The following DAB1 variants were observed in gnomAD, a reference collection of about 807,000 sequenced individuals.
DAB1 encodes the protein DAB adaptor protein 1.
Under a neutral mutation model 64.6 loss-of-function variants are expected in DAB1, and 15 were observed. The ratio of observed to expected loss-of-function variants is 0.23; its 90% CI spans 0.16 to 0.36. DAB1 has a LOEUF of 0.36. DAB1 is among the 10% of genes least tolerant of loss of function. The pLI, the probability that DAB1 is intolerant of heterozygous loss-of-function variation, is 1.00. For synonymous variants in DAB1, 235 were observed against 251.9 expected (o/e 0.93, Z 0.64); for missense variants, 596 against 706.7 (o/e 0.84, Z 1.78).
At chr1:57,255,415 A>C (rs1196864561) in intron 2 of DAB1, among the ~76,000 whole-genome samples, 2 of 152,168 alleles carry the variant, frequency 1.3e-5, no homozygotes, top group African/African-American at 4.8e-5. Flanking sequence ...TAATGCCAAC[A>C]ATTTGGGAGG....
chr1:57,085,353 C>A (rs1652963693), intron 4 of DAB1, among the ~76,000 whole-genome samples: 1 of 152,172 alleles, frequency 6.6e-6, no homozygotes, highest in African/African-American at 2.4e-5. Flanking sequence ...GACTTAGAGA[C>A]AACTGCGCCC....
intron 2 of DAB1, among the ~76,000 whole-genome samples, chr1:57,200,618 C>T (rs774148410): frequency 5.3e-5 from 8 of 152,084 alleles, no homozygotes; most frequent in East Asian, 3.9e-4. Flanking sequence ...AGTTAATGTA[C>T]GTAAAGCCCT....
intron 5 of DAB1, among the ~76,000 whole-genome samples, chr1:57,901,928 TTCTTTGTATTAAAA>T (rs1307454491): frequency 6.6e-6 from 1 of 152,014 alleles, no homozygotes; most frequent in African/African-American, 2.4e-5. Context: ...TAGTAAAACA[TTCTTTGTATTAAAA>T]ACAAACAAAC....
chr1:57,951,102 A>G (rs944082165), intron 5 of DAB1, among the ~76,000 whole-genome samples: 2 of 152,030 alleles, frequency 1.3e-5, no homozygotes, highest in Non-Finnish European at 2.9e-5. Context: ...ATGTTAACAC[A>G]TAATTTATTA....
At position 57,695,450 on chromosome 1, in the gene DAB1, C is replaced by A. The variant is rs1212390940; in HGVS notation, n.552-45785G>T. ...AAAGAAAGAAAAAAGAAGAAAAGAG[C>A]CAATTAAGTCTGTATGTCTGTATAA... On this transcript the variant is annotated intron_variant and non_coding_transcript_variant, in intron 6 of 20. Coordinates refer to the DAB1 transcript ENST00000485760. Among the ~76,000 whole-genome samples the A allele has an allele frequency of 2.7e-5, 4 of 150,478 alleles. 1 individual carries two copies. The highest frequency in any genetic ancestry group is 2.1e-4 in the South Asian group (1 of 4,750).
At chr1:57,477,911 T>C (rs1003950380) in intron 7 of DAB1, among the ~76,000 whole-genome samples, 1 of 152,202 alleles carries the variant, frequency 6.6e-6, no homozygotes, top group Non-Finnish European at 1.5e-5. Context: ...TCTATCCTAT[T>C]TTTTTTAATA....
At chr1:57,313,617 G>A (rs1435389406) in intron 1 of DAB1, among the ~76,000 whole-genome samples, 1 of 152,306 alleles carries the variant, frequency 6.6e-6, no homozygotes, top group Non-Finnish European at 1.5e-5. Context: ...TGTTGTTAGG[G>A]TGAGTAGTTT....
At chr1:57,643,031 T>C (rs969398665) in intron 7 of DAB1, among the ~76,000 whole-genome samples, 7 of 152,220 alleles carry the variant, frequency 4.6e-5, no homozygotes, top group South Asian at 4.1e-4. Context: ...CAGCCAGCTA[T>C]TTCTTCAACT....
intron 9 of DAB1, among the ~76,000 whole-genome samples, chr1:57,040,960 C>G (rs1647694712): frequency 6.6e-6 from 1 of 152,160 alleles, no homozygotes; most frequent in South Asian, 2.1e-4. Flanking sequence ...CTGTGCCTCT[C>G]TTGGAGGGGT....
chr1:57,939,501 A>C (rs772188518), intron 5 of DAB1, among the ~76,000 whole-genome samples: 2 of 152,200 alleles, frequency 1.3e-5, no homozygotes, highest in African/African-American at 4.8e-5. Flanking sequence ...ATTCTTTCAG[A>C]AACAAATTTC....
In DAB1 at chr1:58,518,341, A is replaced by AAGAGAAGAGG. The variant is rs1646204253; in HGVS notation, n.107+8919_107+8920insCCTCTTCTCT. On this transcript the variant is annotated intron_variant and non_coding_transcript_variant, in intron 2 of 20. Transcript: ENST00000485760. ...AAGAGAAGAGAAGAGAAGAGAAGAGAAGAGAAGAGAAGGGAAGGGAAGAGA... is the reference window on the plus strand; with the variant it reads ...AAGAGAAGAGAAGAGAAGAGAAGAGAAGAGAAGAGGAGAGAAGAGAAGGGAAGGGAAGAGA... Among the ~76,000 whole-genome samples, 2 of 131,356 alleles carry AAGAGAAGAGG rather than the reference A, an allele frequency of 1.5e-5. 1 individual carries two copies. Among genetic ancestry groups the AAGAGAAGAGG allele is most frequent in the African/African-American group, 6.3e-5 (2 of 31,598 alleles). The allele number at this position is 131,356 out of a possible 152,430, so 86.2% of individuals were successfully genotyped here. A position where few individuals can be genotyped will look rare whatever the true frequency, so the allele number is the denominator to read the frequency against.
intron 1 of DAB1, among the ~76,000 whole-genome samples, chr1:57,833,441 C>T (rs1303565359): frequency 2.0e-5 from 3 of 152,084 alleles, no homozygotes; most frequent in African/African-American, 4.8e-5. Context: ...TCCATGCTTC[C>T]CATTCTTGTA....
At chr1:58,020,331 T>G (rs1646798545) in intron 5 of DAB1, among the ~76,000 whole-genome samples, 1 of 152,212 alleles carries the variant, frequency 6.6e-6, no homozygotes, top group African/African-American at 2.4e-5. Flanking sequence ...CACCAATACA[T>G]TAAAATAACT....
chr1:58,223,380 C>T (rs749152542), intron 4 of DAB1, among the ~76,000 whole-genome samples: 8 of 152,114 alleles, frequency 5.3e-5, no homozygotes, highest in Admixed American at 1.3e-4. Flanking sequence ...GATGAAAGAA[C>T]GCCAGCCTTG....
intron 3 of DAB1, among the ~76,000 whole-genome samples, chr1:58,344,251 T>TA: frequency 6.6e-6 from 1 of 152,208 alleles, no homozygotes; most frequent in South Asian, 2.1e-4. Flanking sequence ...CCTGAACACA[T>TA]AGCAGGTGTC....
At chr1:58,323,940 A>AG (rs1160677264) in intron 4 of DAB1, among the ~76,000 whole-genome samples, 1 of 151,818 alleles carries the variant, frequency 6.6e-6, no homozygotes, top group African/African-American at 2.4e-5. Flanking sequence ...AAAAAAAAAA[A>AG]AGACTTAGTT....
intron 6 of DAB1, among the ~76,000 whole-genome samples, chr1:57,693,786 C>A (rs543184638): frequency 6.6e-6 from 1 of 152,278 alleles, no homozygotes; most frequent in South Asian, 2.1e-4. Flanking sequence ...TCTGAAGGAA[C>A]AAACTCCAGA....
chr1:58,074,564 G>GTGTATATATATATATATATATATATA (rs1332531604), intron 5 of DAB1: 3 of 91,638 alleles, frequency 3.3e-5, no homozygotes, highest in African/African-American at 1.3e-4. Context: ...ATATATGTGT[G>GTGTATATATATATATATATATATATA]TATATATATA....
At chr1:57,345,598 CAG>C (rs1440579519) in intron 1 of DAB1, among the ~76,000 whole-genome samples, 2 of 152,092 alleles carry the variant, frequency 1.3e-5, no homozygotes, top group African/African-American at 4.8e-5. Flanking sequence ...TTATTTGACT[CAG>C]AAATTCTACA....
Sources: gnomAD v4.1 joint callset for allele counts (sites outside exome capture counted in the v4.1 genomes callset) on GRCh38, gnomAD v4.1.1 for gene constraint, MANE v1.5 for transcripts, NCBI Gene and HGNC (gene_info 2026-07-23, HGNC 2026-07-21) for gene names.